KIAA1549L: variants seen among roughly 807,000 people sequenced by gnomAD.
KIAA1549L encodes the protein KIAA1549 like.
KIAA1549L carries 88 observed loss-of-function variants against 160.7 expected under a neutral mutation model. The observed-to-expected ratio is 0.55, with a 90% confidence interval of 0.46 to 0.65. The LOEUF is 0.65. Among genes scored for constraint, KIAA1549L ranks in the 30% least tolerant of loss-of-function variants. The pLI, the probability that KIAA1549L is intolerant of heterozygous loss-of-function variation, is 0.00. For missense variants in KIAA1549L, 2,258 were observed against 2,437.5 expected, an observed-to-expected ratio of 0.93 and a Z score of 1.55; for synonymous variants, 950 against 976.7, an observed-to-expected ratio of 0.97 and a Z score of 0.51.
intron 16 of KIAA1549L, among the ~76,000 whole-genome samples, chr11:33,635,133 G>A (rs113902234): frequency 2.4e-3 from 364 of 152,192 alleles, no homozygotes; most frequent in African/African-American, 8.6e-3. Flanking sequence ...CTTCCCACCT[G>A]GTGAAGTGAG....
At chr11:33,384,433 C>T (rs1850132277) in intron 1 of KIAA1549L, among the ~76,000 whole-genome samples, 1 of 152,176 alleles carries the variant, frequency 6.6e-6, no homozygotes, top group South Asian at 2.1e-4. Flanking sequence ...GGGCAGTTTT[C>T]ATTCCTTTTG....
chr11:33,502,985 C>T lies in KIAA1549L; in HGVS notation c.239-38817C>T, dbSNP rs78382389. ...CAAACTTTATATGAAGTATAACATA[C>T]GTAATAGAAAAATGCACACACTGTA... On this transcript the variant is annotated intron_variant, in intron 1 of 20. Coordinates refer to ENST00000658780, the MANE Select transcript of KIAA1549L (RefSeq NM_012194.3). Among the ~76,000 whole-genome samples, 47 of 152,138 alleles carry T rather than the reference C, an allele frequency of 3.1e-4. 2 individuals carry two copies. In the East Asian group the frequency reaches 8.5e-3, roughly 28 times the overall value.
At chr11:33,489,171 C>T (rs114869346) in intron 1 of KIAA1549L, among the ~76,000 whole-genome samples, 206 of 152,290 alleles carry the variant, frequency 1.4e-3, no homozygotes, top group African/African-American at 4.8e-3. Flanking sequence ...GCTTAAACAA[C>T]AGGAATTTAT....
chr11:33,440,575 C>T (rs1019691318), intron 1 of KIAA1549L, among the ~76,000 whole-genome samples: 3 of 152,096 alleles, frequency 2.0e-5, no homozygotes, highest in Non-Finnish European at 4.4e-5. Flanking sequence ...TAATTAGAAT[C>T]CAAGTTTTCT....
rs574555959 is a variant in KIAA1549L at position 33,430,835 on chromosome 11, G to C, written c.238+53946G>C. On this transcript the variant is annotated intron_variant, in intron 1 of 20. Transcript: ENST00000658780. ...ATAGCACCGTGCTGTTCACATTGTA[G>C]GTGGCCTATTAATATTTGTTGAATC... Among the ~76,000 whole-genome samples the C allele has an allele frequency of 7.6e-4, 116 of 152,316 alleles. 1 individual carries two copies. Among genetic ancestry groups the C allele is most frequent in the Admixed American group, 1.2e-3 (18 of 15,304 alleles).
intron 20 of KIAA1549L, among the ~76,000 whole-genome samples, chr11:33,663,585 G>A (rs1435624429): frequency 6.6e-6 from 1 of 152,134 alleles, no homozygotes; most frequent in Non-Finnish European, 1.5e-5. Flanking sequence ...CTCAGGAGTT[G>A]GACATTGGCT....
chr11:33,388,562 ATT>A (rs112305602), intron 1 of KIAA1549L, among the ~76,000 whole-genome samples: 1 of 151,664 alleles, frequency 6.6e-6, no homozygotes, highest in Non-Finnish European at 1.5e-5. Flanking sequence ...CCTCAACTTA[ATT>A]TTTTTTTAAG....
chr11:33,632,366 A>T (rs1178885815), intron 16 of KIAA1549L, among the ~76,000 whole-genome samples: 1 of 152,208 alleles, frequency 6.6e-6, no homozygotes, highest in East Asian at 1.9e-4. Context: ...CTGAGCCATC[A>T]TATGCCAAGT....
At chr11:33,387,274 C>T (rs1157386851) in intron 1 of KIAA1549L, among the ~76,000 whole-genome samples, 1 of 151,934 alleles carries the variant, frequency 6.6e-6, no homozygotes, top group African/African-American at 2.4e-5. Context: ...TATCAGGTAC[C>T]TCTAGTTCAT....
At chr11:33,593,541 G>C (rs1016297461) in intron 12 of KIAA1549L, among the ~76,000 whole-genome samples, 3 of 152,320 alleles carry the variant, frequency 2.0e-5, no homozygotes, top group Non-Finnish European at 4.4e-5. Context: ...CCCTTTACAA[G>C]GCTACTGCCG....
intron 1 of KIAA1549L, among the ~76,000 whole-genome samples, chr11:33,482,255 C>T (rs2133050024): frequency 6.6e-6 from 1 of 152,232 alleles, no homozygotes; most frequent in East Asian, 1.9e-4. Flanking sequence ...AGGACTATAA[C>T]CACGTCATCT....
At chr11:33,469,798 A>G (rs543626037) in intron 1 of KIAA1549L, among the ~76,000 whole-genome samples, 1 of 152,306 alleles carries the variant, frequency 6.6e-6, no homozygotes, top group Non-Finnish European at 1.5e-5. Flanking sequence ...CATATGCGTA[A>G]TGACTGTTTT....
chr11:33,597,804 A>T (rs2133301864), intron 12 of KIAA1549L, among the ~76,000 whole-genome samples: 1 of 152,154 alleles, frequency 6.6e-6, no homozygotes, highest in Admixed American at 6.5e-5. Flanking sequence ...AGCAAAGGGA[A>T]GGTGTTCTGG....
intron 13 of KIAA1549L, among the ~76,000 whole-genome samples, chr11:33,601,051 A>AC (rs1850347798): frequency 6.6e-6 from 1 of 152,094 alleles, no homozygotes; most frequent in Non-Finnish European, 1.5e-5. Context: ...GGTCACTTTG[A>AC]CTATTTAAAT....
chr11:33,498,714 G>A (rs1462791515), intron 1 of KIAA1549L, among the ~76,000 whole-genome samples: 6 of 152,212 alleles, frequency 3.9e-5, no homozygotes. Context: ...GATTCAAAGG[G>A]GGTGAAGGAG....
chr11:33,614,682 G>A (rs1315509477), intron 15 of KIAA1549L, among the ~76,000 whole-genome samples: 2 of 133,708 alleles, frequency 1.5e-5, no homozygotes, highest in East Asian at 2.4e-4. Flanking sequence ...GCGCTATCTC[G>A]GCTCACTGCA....
Position 33,645,793 on chromosome 11 carries a change from C to T in KIAA1549L, c.5517C>T (p.Ser1839=). 6.2e-7 allele frequency: 1 copy of T among 1,613,982 alleles called. No homozygotes were observed. Among genetic ancestry groups the T allele is most frequent in the Non-Finnish European group, 8.5e-7 (1 of 1,179,868 alleles). Residue 1839 remains serine (S), a synonymous_variant, in exon 17 of 21, where the codon AGC becomes AGT. Coordinates refer to ENST00000658780, the MANE Select transcript of KIAA1549L (RefSeq NM_012194.3). Reference sequence around the variant, plus strand: ...GCCACTCGGAGACCTCCACACTGAGCTCCCAGCCATCCATCGACGAGGTCA... The same window carrying T: ...GCCACTCGGAGACCTCCACACTGAGTTCCCAGCCATCCATCGACGAGGTCA... ...VKGHSETSTL[S]SQPSIDEVRQ... is the part of the protein sequence containing the mutation.
chr11:33,662,079 T>G (rs1488653819), intron 20 of KIAA1549L, among the ~76,000 whole-genome samples: 1 of 152,204 alleles, frequency 6.6e-6, no homozygotes, highest in East Asian at 1.9e-4. Context: ...TTGCCTTTTA[T>G]GAATGATTCA....
In KIAA1549L at chr11:33,376,527, G is replaced by T. The variant is rs1200737595; in HGVS notation, c.-125G>T. ...GACGAGCGAGCCAGTCGCGCCGCTC[G>T]GCGCCCCCTCCCTCCGGCGCCCGGG... On this transcript the variant is annotated 5_prime_UTR_variant, in exon 1 of 21. Coordinates refer to ENST00000658780, the MANE Select transcript of KIAA1549L (RefSeq NM_012194.3). The surrounding 1 kb of genome is among the most constrained non-coding windows in gnomAD (Gnocchi z 5.8). The T allele has an allele frequency of 2.0e-5, 3 of 148,478 alleles. No individual in the cohort carries two copies. The highest frequency in any genetic ancestry group is 4.5e-5 in the Non-Finnish European group (3 of 66,672). 9.2% of individuals were successfully genotyped at this position (148,478 alleles called of 1,614,324 possible). A position where few individuals can be genotyped will look rare whatever the true frequency, so the allele number is the denominator to read the frequency against.
Sources: allele counts gnomAD v4.1 joint callset (sites outside exome capture counted in the v4.1 genomes callset), GRCh38; gene constraint gnomAD v4.1.1; non-coding constraint Gnocchi (gnomAD v3.1); transcripts MANE v1.5; gene names NCBI Gene and HGNC (gene_info 2026-07-23, HGNC 2026-07-21).